SIPA1L3: variants seen among roughly 807,000 people sequenced by gnomAD.
The protein encoded by SIPA1L3 is signal induced proliferation associated 1 like 3.
In SIPA1L3, 59 loss-of-function variants were observed where a neutral mutation model predicts 150.1. The ratio of observed to expected loss-of-function variants is 0.39; its 90% confidence interval spans 0.32 to 0.49. SIPA1L3 has a LOEUF of 0.49. SIPA1L3 is among the 20% of genes least tolerant of loss of function. SIPA1L3 has a pLI of 0.86. For synonymous variants in SIPA1L3, 1,070 were observed against 1,077.6 expected (o/e 0.99, Z 0.14); for missense variants, 2,211 against 2,489.5 (o/e 0.89, Z 2.38).
chr19:37,967,580 G>C (rs2046915579), intron 1 of SIPA1L3, among the ~76,000 whole-genome samples: 1 of 152,020 alleles, frequency 6.6e-6, no homozygotes, highest in Admixed American at 6.6e-5. Context: ...TAAGGACACT[G>C]GTCATACTGG....
At chr19:38,108,964 G>A (rs910082527) in intron 7 of SIPA1L3, among the ~76,000 whole-genome samples, 10 of 152,048 alleles carry the variant, frequency 6.6e-5, no homozygotes, top group Non-Finnish European at 1.3e-4. Flanking sequence ...ACTCCAGCCT[G>A]GGCAACAAGA....
intron 7 of SIPA1L3, among the ~76,000 whole-genome samples, chr19:38,107,470 G>A (rs998987373): frequency 6.6e-6 from 1 of 152,228 alleles, no homozygotes; most frequent in Non-Finnish European, 1.5e-5. Flanking sequence ...ATTGCCAAGA[G>A]GCTGCAGCTG....
chr19:37,993,499 T>G (rs372722327), intron 1 of SIPA1L3, among the ~76,000 whole-genome samples: 1 of 152,094 alleles, frequency 6.6e-6, no homozygotes, highest in East Asian at 1.9e-4. Flanking sequence ...GCCCAGCTAA[T>G]TTTTTGTATT....
At chr19:37,995,190 C>T (rs926833357) in intron 1 of SIPA1L3, among the ~76,000 whole-genome samples, 4 of 152,170 alleles carry the variant, frequency 2.6e-5, no homozygotes, top group South Asian at 2.1e-4. Flanking sequence ...AGCCAGGGGC[C>T]GGCCCTAGCT....
At chr19:38,141,515 A>G in intron 11 of SIPA1L3, 80 bp downstream of exon 11, 2 of 1,406,872 alleles carry the variant, frequency 1.4e-6, no homozygotes, top group South Asian at 1.3e-5. Flanking sequence ...TCTCCTCACT[A>G]TTTCCTCCAT....
At chr19:38,000,898 A>G (rs1967772409) in intron 1 of SIPA1L3, among the ~76,000 whole-genome samples, 2 of 85,192 alleles carry the variant, frequency 2.3e-5, no homozygotes. Flanking sequence ...TATATGTTAT[A>G]TATATATATA....
chr19:37,925,406 C>G (rs552503245), intron 1 of SIPA1L3, among the ~76,000 whole-genome samples: 16 of 152,132 alleles, frequency 1.1e-4, no homozygotes, highest in Middle Eastern at 3.4e-3. Flanking sequence ...ACAGCCAGTG[C>G]AAAGGCCCTG....
At chr19:38,160,597 G>C (rs1221850025) in intron 13 of SIPA1L3, among the ~76,000 whole-genome samples, 3 of 151,144 alleles carry the variant, frequency 2.0e-5, no homozygotes, top group African/African-American at 7.3e-5. Flanking sequence ...TAGAGACGGG[G>C]TTTCACCATG....
At chr19:38,057,149 T>C (rs1173329354) in intron 2 of SIPA1L3, among the ~76,000 whole-genome samples, 1 of 152,006 alleles carries the variant, frequency 6.6e-6, no homozygotes, top group East Asian at 1.9e-4. Context: ...TGGGCGCCTG[T>C]AATCCCAGCT....
At chr19:38,077,655 C>CTTTTT (rs1397093594) in intron 2 of SIPA1L3, among the ~76,000 whole-genome samples, 2 of 62,722 alleles carry the variant, frequency 3.2e-5, no homozygotes, top group African/African-American at 1.4e-4. Context: ...TTTTCTTTTT[C>CTTTTT]TTTTTCTTTT....
chr19:38,151,961 CAA>C (rs35851181), intron 12 of SIPA1L3, among the ~76,000 whole-genome samples: 8 of 86,136 alleles, frequency 9.3e-5, no homozygotes, highest in African/African-American at 2.1e-4. Flanking sequence ...GACCCCATCT[CAA>C]AAAAAAAAAA....
At position 38,199,616 on chromosome 19, in the gene SIPA1L3, G is replaced by T. The variant is rs530929688; in HGVS notation, c.4984+1084G>T. On this transcript the variant is annotated intron_variant, in intron 19 of 21. Transcript: ENST00000222345. ...AACACAGAAGGTTACGGGGGAGAGGGGGGAGTAGCAGAAAGACCTGGGAGG... is the reference window on the plus strand; with the variant it reads ...AACACAGAAGGTTACGGGGGAGAGGTGGGAGTAGCAGAAAGACCTGGGAGG... Among the ~76,000 whole-genome samples, 9 of 152,260 alleles carry T rather than the reference G, an allele frequency of 5.9e-5. No homozygotes were observed. The South Asian group carries it at 1.9e-3, about 32-fold the overall frequency.
At chr19:38,149,047 A>C (rs1971764072) in intron 12 of SIPA1L3, among the ~76,000 whole-genome samples, 1 of 152,224 alleles carries the variant, frequency 6.6e-6, no homozygotes, top group Non-Finnish European at 1.5e-5. Flanking sequence ...TATATTCAGC[A>C]TCCCAATGAA....
chr19:38,205,323 T>C (rs1973184798), intron 21 of SIPA1L3, among the ~76,000 whole-genome samples: 1 of 151,820 alleles, frequency 6.6e-6, no homozygotes, highest in Admixed American at 6.6e-5. Flanking sequence ...CCGGGTGTGG[T>C]GGTGCACGCC....
chr19:37,941,326 C>A (rs1022786833), intron 1 of SIPA1L3, among the ~76,000 whole-genome samples: 1 of 152,070 alleles, frequency 6.6e-6, no homozygotes, highest in Non-Finnish European at 1.5e-5. Context: ...TGGGACTATT[C>A]CTCTAGAGAG....
intron 1 of SIPA1L3, among the ~76,000 whole-genome samples, chr19:37,941,224 G>A (rs1484522535): frequency 6.6e-5 from 10 of 152,084 alleles, no homozygotes; most frequent in Admixed American, 6.6e-4. Context: ...TGGTGTTAGT[G>A]GCCGTGGATG....
At chr19:38,111,583 G>A (rs1970744787) in intron 8 of SIPA1L3, among the ~76,000 whole-genome samples, 2 of 152,214 alleles carry the variant, frequency 1.3e-5, no homozygotes, top group South Asian at 2.1e-4. Flanking sequence ...CGAAATTACC[G>A]CGGGTCTACC....
chr19:38,009,092 T>C (rs1227524369), intron 1 of SIPA1L3, among the ~76,000 whole-genome samples: 1 of 152,014 alleles, frequency 6.6e-6, no homozygotes, highest in African/African-American at 2.4e-5. Flanking sequence ...TGGAGTACAA[T>C]GGCATGATCT....
At chr19:38,113,058 G>A (rs113045259) in intron 8 of SIPA1L3, among the ~76,000 whole-genome samples, 4,367 of 151,928 alleles carry the variant, frequency 0.029, 207 homozygotes, top group African/African-American at 0.099. Context: ...AAATACAAAA[G>A]TTAGCCAGGT....
Sources: allele counts gnomAD v4.1 joint callset (sites outside exome capture counted in the v4.1 genomes callset), GRCh38; gene constraint gnomAD v4.1.1; transcripts MANE v1.5; gene names NCBI Gene and HGNC (gene_info 2026-07-23, HGNC 2026-07-21).